Variants in ESRP1 observed in about 807,000 individuals in gnomAD.
ESRP1 encodes epithelial splicing regulatory protein 1.
Under a neutral mutation model 81.7 loss-of-function variants are expected in ESRP1, and 33 were observed. That is an observed-to-expected ratio of 0.40 (90% CI 0.31 to 0.54). The LOEUF (loss-of-function observed/expected upper bound fraction) is 0.54, where lower values mean the gene tolerates loss of function less well. Ranked by LOEUF, ESRP1 falls within the 20% of genes least tolerant of loss-of-function variation. The pLI, the probability that ESRP1 is intolerant of heterozygous loss-of-function variation, is 0.41. For synonymous variants in ESRP1, 320 were observed against 303.3 expected, an observed-to-expected ratio of 1.06 and a Z score of -0.57; for missense variants, 672 against 833.1, an observed-to-expected ratio of 0.81 and a Z score of 2.38.
chr8:94,674,479 T>A lies in ESRP1; in HGVS notation c.1624T>A (p.Leu542Ile), dbSNP rs760241700. The A allele has an allele frequency of 2.5e-6, 4 of 1,613,832 alleles. No individual in the cohort carries two copies. The East Asian group carries it at 8.9e-5, about 36-fold the overall frequency. The change falls in exon 12 of 16, where the codon TTA becomes ATA. Residue 542 changes from leucine (L) to isoleucine (I), a missense_variant. Physicochemically the swap from Leu to Ile is conservative, Grantham distance 5 (BLOSUM62 2). Transcript: ENST00000433389. ...LMGGTLNRNG[L>I]SPPPCKLPCL... ...GGGGGGCACTTTAAATCGAAATGGC[T>A]TATCCCCACCGCCATGTAAGTTACC...
At chr8:94,674,540 G>A (rs777760214) in intron 12 of ESRP1, 34 bp downstream of exon 12, 23 of 1,581,946 alleles carry the variant, frequency 1.5e-5, no homozygotes, top group Middle Eastern at 1.7e-4. Flanking sequence ...GCTATTCTAC[G>A]CTATATGCTG....
intron 11 of ESRP1, among the ~76,000 whole-genome samples, chr8:94,671,886 C>T (rs1819349763): frequency 6.6e-6 from 1 of 152,100 alleles, no homozygotes; most frequent in Non-Finnish European, 1.5e-5. Context: ...TCCTCAGTTA[C>T]ACACTAAGTC....
rs1204240039 is a variant in ESRP1 at position 94,665,195 on chromosome 8, T to C, written c.930T>C (p.Gly310=). The change falls in exon 9 of 16, where the codon GGT becomes GGC. Residue 310 remains glycine (G), a splice_region_variant and synonymous_variant. Coordinates refer to ENST00000433389, the MANE Select transcript of ESRP1 (RefSeq NM_017697.4). ...GTGAAGATTTCCTTAAAATTGCTGG[T>C]GGTAAGTGCCTTTTACATAATGTGG... ...ATGEDFLKIA[G]GTSNEVAQFL... is the part of the protein sequence containing the mutation. 1 of 1,612,458 alleles carries C rather than the reference T, an allele frequency of 6.2e-7. No individual in the cohort carries two copies. The highest frequency in any genetic ancestry group is 1.7e-5 in the Admixed American group (1 of 59,718).
intron 9 of ESRP1, among the ~76,000 whole-genome samples, chr8:94,665,722 G>A (rs1818984846): frequency 6.6e-6 from 1 of 152,098 alleles, no homozygotes; most frequent in Non-Finnish European, 1.5e-5. Flanking sequence ...GGAACCCCTG[G>A]CTTCAAATTG....
intron 13 of ESRP1, among the ~76,000 whole-genome samples, chr8:94,683,975 G>A (rs1239539181): frequency 6.6e-6 from 1 of 152,168 alleles, no homozygotes; most frequent in African/African-American, 2.4e-5. Context: ...AGCCTCCCGA[G>A]TAGCTGGGAT....
At chr8:94,676,349 C>A (rs926919088) in intron 12 of ESRP1, among the ~76,000 whole-genome samples, 1,005 of 120,162 alleles carry the variant, frequency 8.4e-3, no homozygotes, top group Middle Eastern at 0.013. Context: ...GACTCAGTCT[C>A]AAAAAAAAAA....
At chr8:94,668,322 A>T in intron 10 of ESRP1, 72 bp downstream of exon 10, 1 of 1,349,028 alleles carries the variant, frequency 7.4e-7, no homozygotes, top group Non-Finnish European at 1.0e-6. Context: ...ATAGTCCTAC[A>T]TTGCTCATTA....
chr8:94,700,454 C>T (rs922604222), intron 15 of ESRP1, among the ~76,000 whole-genome samples: 1 of 152,202 alleles, frequency 6.6e-6, no homozygotes, highest in East Asian at 1.9e-4. Context: ...GTGTTCCCAG[C>T]TACCAGCAGC....
rs1474810246 is a variant in ESRP1, at chr8:94,662,347, T to C, written c.566T>C (p.Leu189Ser). 2 of 1,582,124 alleles carry C rather than the reference T, an allele frequency of 1.3e-6. No homozygotes were observed. Among genetic ancestry groups the C allele is most frequent in the Middle Eastern group, 1.7e-4 (1 of 6,022 alleles). Residue 189 changes from leucine to serine, a missense_variant, in exon 5 of 16, where the codon TTA (leucine) becomes TCA (serine). Transcript: ENST00000433389. The part of the protein sequence containing the change: ...SQVEDMGNII[L>S]AMISEPYNHR... ...GTTGAAGATATGGGGAATATAATTTTAGCAATGATTTCAGAGCCTTATAGT... is the reference window on the plus strand; with the variant it reads ...GTTGAAGATATGGGGAATATAATTTCAGCAATGATTTCAGAGCCTTATAGT...
intron 2 of ESRP1, 93 bp downstream of exon 2, chr8:94,642,177 G>A: frequency 6.8e-7 from 1 of 1,470,512 alleles, no homozygotes; most frequent in Non-Finnish European, 9.1e-7. Context: ...TGTTCCCGGA[G>A]CAGGGTGGCG....
Position 94,668,199 on chromosome 8 carries a change from G to C in ESRP1, c.1182G>C (p.Leu394Phe). Residue 394 changes from leucine to phenylalanine, a missense_variant, in exon 10 of 16, where the codon TTG (leucine) becomes TTC (phenylalanine). Coordinates refer to ENST00000433389, the MANE Select transcript of ESRP1 (RefSeq NM_017697.4). ...QNALRKHKDL[L>F]GKRYIELFRS... Reference sequence around the variant, plus strand: ...CGTTGAGGAAGCATAAAGACTTGTTGGGTAAAAGATACATTGAACTCTTCA... The same window carrying C: ...CGTTGAGGAAGCATAAAGACTTGTTCGGTAAAAGATACATTGAACTCTTCA... 1 of 1,613,058 alleles carries C rather than the reference G, an allele frequency of 6.2e-7. No individual in the cohort carries two copies. Among genetic ancestry groups the C allele is most frequent in the Non-Finnish European group, 8.5e-7 (1 of 1,179,354 alleles).
At chr8:94,652,082 G>A (rs999865346) in intron 4 of ESRP1, among the ~76,000 whole-genome samples, 2 of 140,234 alleles carry the variant, frequency 1.4e-5, no homozygotes, top group Non-Finnish European at 3.0e-5. Context: ...TCACCTTCTG[G>A]GTTCAAGCAA....
At chr8:94,645,608 C>T (rs549996421) in intron 3 of ESRP1, among the ~76,000 whole-genome samples, 1 of 152,250 alleles carries the variant, frequency 6.6e-6, no homozygotes, top group African/African-American at 2.4e-5. Context: ...ACAGGTACAG[C>T]TACAATATTG....
rs1391122685 is a variant in ESRP1, at chr8:94,707,160, GGCT to G, written c.*1275_*1277del. On this transcript the variant is annotated 3_prime_UTR_variant, in exon 16 of 16. Transcript: ENST00000433389. ...AATGCAATGCCGTGCAGATTTATGA[GGCT>G]GCTATTTTTATTTTCTGTGCATTAC... 1 of 152,126 alleles carries G rather than the reference GGCT, an allele frequency of 6.6e-6. No individual in the cohort carries two copies. The highest frequency in any genetic ancestry group is 1.9e-4 in the East Asian group (1 of 5,200). 9.4% of individuals were successfully genotyped at this position (152,126 alleles called of 1,614,324 possible). A position where few individuals can be genotyped will look rare whatever the true frequency, so the allele number is the denominator to read the frequency against.
intron 12 of ESRP1, among the ~76,000 whole-genome samples, chr8:94,676,653 C>T (rs1416516949): frequency 6.6e-6 from 1 of 151,766 alleles, no homozygotes; most frequent in African/African-American, 2.4e-5. Flanking sequence ...GAGTGTGCCA[C>T]CATGCCCAGC....
intron 5 of ESRP1, 60 bp downstream of exon 5, chr8:94,662,430 T>C: frequency 3.9e-6 from 6 of 1,539,804 alleles, no homozygotes; most frequent in Non-Finnish European, 5.3e-6. Flanking sequence ...CTCTTACCTA[T>C]ACTCAAATTT....
At chr8:94,677,987 T>G (rs1449784928) in intron 12 of ESRP1, among the ~76,000 whole-genome samples, 1 of 152,210 alleles carries the variant, frequency 6.6e-6, no homozygotes, top group Non-Finnish European at 1.5e-5. Context: ...TTTCCGAATT[T>G]CAGGCAAAGA....
chr8:94,644,989 A>G (rs540197307), intron 3 of ESRP1, among the ~76,000 whole-genome samples: 4 of 152,344 alleles, frequency 2.6e-5, no homozygotes, highest in African/African-American at 9.6e-5. Context: ...ATAGAACATC[A>G]ACATTGTTAT....
At chr8:94,669,195 T>TA (rs1819179891) in intron 10 of ESRP1, among the ~76,000 whole-genome samples, 1 of 152,210 alleles carries the variant, frequency 6.6e-6, no homozygotes, top group Non-Finnish European at 1.5e-5. Flanking sequence ...GTTCTTGACT[T>TA]GCCAGCTACC....
Sources: allele counts gnomAD v4.1 joint callset (sites outside exome capture counted in the v4.1 genomes callset), GRCh38; gene constraint gnomAD v4.1.1; transcripts MANE v1.5; gene names NCBI Gene and HGNC (gene_info 2026-07-23, HGNC 2026-07-21).